Variants in NOS2 observed in about 807,000 individuals in gnomAD.
NOS2 encodes nitric oxide synthase 2, also known as nitric oxide synthase, inducible.
Under a neutral mutation model 136.0 loss-of-function variants are expected in NOS2, and 96 were observed. The observed-to-expected ratio is 0.71, with a 90% CI of 0.60 to 0.84. The LOEUF (loss-of-function observed/expected upper bound fraction) is 0.84, where lower values mean the gene tolerates loss of function less well. NOS2 is among the 40% of genes least tolerant of loss of function. The pLI is 0.00. For synonymous variants in NOS2, 539 were observed against 587.5 expected (o/e 0.92, Z 1.20); for missense variants, 1,237 against 1,496.9 (o/e 0.83, Z 2.87).
At chr17:27,774,188 G>GTA in intron 12 of NOS2, 69 bp downstream of exon 12, 1 of 1,084,966 alleles carries the variant, frequency 9.2e-7, no homozygotes, top group Admixed American at 3.5e-5. Flanking sequence ...ACAATGAGGT[G>GTA]CACACACACA....
chr17:27,766,663 A>G (rs1597546145), intron 18 of NOS2, 75 bp from the exon 19 acceptor site: 2 of 1,156,712 alleles, frequency 1.7e-6, no homozygotes, highest in East Asian at 4.7e-5. Context: ...CAGATGTCTG[A>G]GTCAGTGACA....
Position 27,788,909 on chromosome 17 carries a change from T to C in NOS2, c.218A>G (p.Lys73Arg). The C allele has an allele frequency of 1.9e-6, 3 of 1,614,132 alleles. No individual in the cohort carries two copies. The African/African-American group carries it at 4.0e-5, about 22-fold the overall frequency. Residue 73 changes from lysine (K) to arginine (R), a missense_variant, in exon 4 of 27, where the codon AAG becomes AGG. Physicochemically the swap from Lys to Arg is conservative, Grantham distance 26. Around this residue, in one of 3 missense-constraint regions of NOS2, gnomAD observed 440 missense variants for 545.4 expected, o/e 0.81. Transcript: ENST00000313735. ...GGAGGACAATGGGGTTGCATCCAGC[T>C]TGACCAGAGATTCTGGAGACTTCTG... ...TGKKSPESLV[K>R]LDATPLSSPR...
At chr17:27,775,678 G>A (rs910548572) in intron 11 of NOS2, among the ~76,000 whole-genome samples, 2 of 152,156 alleles carry the variant, frequency 1.3e-5, no homozygotes, top group Non-Finnish European at 2.9e-5. Context: ...ATATGTGGGA[G>A]GCTGATGTGG....
chr17:27,777,887 A>C (rs1308244151), intron 11 of NOS2, among the ~76,000 whole-genome samples: 10 of 152,124 alleles, frequency 6.6e-5, no homozygotes, highest in Admixed American at 5.9e-4. Flanking sequence ...TCTACTAAAA[A>C]TATAAAAATT....
intron 2 of NOS2, chr17:27,793,652 G>C (rs1909262877): frequency 2.5e-6 from 1 of 397,010 alleles, no homozygotes; most frequent in Non-Finnish European, 4.4e-6. Flanking sequence ...CTGCACAGCC[G>C]GGGCCCGGCG....
intron 2 of NOS2, among the ~76,000 whole-genome samples, chr17:27,792,532 AG>A (rs1279328323): frequency 6.6e-6 from 1 of 152,150 alleles, no homozygotes; most frequent in Non-Finnish European, 1.5e-5. Context: ...ACAGGGTGAC[AG>A]GGTGACCAGA....
At chr17:27,768,610 G>A (rs1224937202) in intron 17 of NOS2, among the ~76,000 whole-genome samples, 2 of 152,230 alleles carry the variant, frequency 1.3e-5, no homozygotes, top group Non-Finnish European at 2.9e-5. Context: ...AAGTGGATCC[G>A]CCATTGTGTG....
intron 9 of NOS2, among the ~76,000 whole-genome samples, chr17:27,779,361 T>C (rs1908770051): frequency 6.7e-6 from 1 of 149,862 alleles, no homozygotes; most frequent in African/African-American, 2.5e-5. Context: ...CCCAGGCTGG[T>C]CTCGAACTAC....
chr17:27,757,662 T>A (rs1221736164), intron 26 of NOS2, among the ~76,000 whole-genome samples: 1 of 152,232 alleles, frequency 6.6e-6, no homozygotes, highest in African/African-American at 2.4e-5. Context: ...GTCCTTTCTT[T>A]CCTTCCAGCC....
intron 13 of NOS2, 112 bp from the exon 14 acceptor site, chr17:27,772,564 G>T: frequency 1.6e-6 from 2 of 1,262,218 alleles, no homozygotes; most frequent in Non-Finnish European, 2.2e-6. Context: ...CAGGTTGAGG[G>T]AAAAGCAAGC....
Position 27,778,873 on chromosome 17 carries a change from C to T in NOS2, c.1179+9G>A, listed in dbSNP as rs202009297. The T allele has an allele frequency of 1.5e-5, 24 of 1,609,814 alleles. No individual in the cohort carries two copies. Among genetic ancestry groups the T allele is most frequent in the Middle Eastern group, 1.6e-4 (1 of 6,074 alleles). ...ACCTTCATCTGGCCAGCTGGGCTGG[C>T]TGGGTTACCTCCAGGATGTTGTAGC... is the stretch of plus-strand genomic sequence containing the variant. On this transcript the variant is annotated intron_variant, in intron 10 of 26. Coordinates refer to ENST00000313735, the MANE Select transcript of NOS2 (RefSeq NM_000625.4).
chr17:27,766,711 C>T (rs1478554247), intron 18 of NOS2, 123 bp from the exon 19 acceptor site: 10 of 744,948 alleles, frequency 1.3e-5, no homozygotes, highest in African/African-American at 3.5e-5. Flanking sequence ...CTGAGGTGGC[C>T]GTTGGGTTTT....
chr17:27,765,828 G>A, intron 19 of NOS2, 112 bp from the exon 20 acceptor site: 1 of 1,214,662 alleles, frequency 8.2e-7, no homozygotes, highest in South Asian at 1.6e-5. Flanking sequence ...TTCCTGGCTG[G>A]TTCCACAAGC....
chr17:27,760,813 G>A (rs1448771547), intron 23 of NOS2, 69 bp from the exon 24 acceptor site: 5 of 1,501,368 alleles, frequency 3.3e-6, no homozygotes, highest in Non-Finnish European at 4.5e-6. Context: ...CAGGATGGCT[G>A]GGGAGCTGGG....
chr17:27,782,371 A>C (rs542434755), intron 6 of NOS2, among the ~76,000 whole-genome samples: 4 of 152,140 alleles, frequency 2.6e-5, no homozygotes, highest in Non-Finnish European at 5.9e-5. Context: ...GACCCCAGCA[A>C]ACCCAGAATT....
In NOS2 at chr17:27,787,807, T is replaced by A; in HGVS notation, c.338A>T (p.Lys113Ile). 5 of 1,611,734 alleles carry A rather than the reference T, an allele frequency of 3.1e-6. No individual in the cohort carries two copies. Among genetic ancestry groups the A allele is most frequent in the Non-Finnish European group, 4.2e-6 (5 of 1,178,954 alleles). Residue 113 changes from lysine to isoleucine, a missense_variant, in exon 5 of 27, where the codon AAA becomes ATA. Lys to Ile is a moderately radical substitution (Grantham distance 102). Transcript: ENST00000313735. Reference sequence around the variant, plus strand: ...AGTCATAATGGACCCCAGGCAAGATTTGGACCTGCAAGTTAAAATCTGGAA... The same window carrying A: ...AGTCATAATGGACCCCAGGCAAGATATGGACCTGCAAGTTAAAATCTGGAA... ...KAKGILTCRS[K>I]SCLGSIMTPK...
intron 2 of NOS2, among the ~76,000 whole-genome samples, chr17:27,791,238 C>A (rs1201352406): frequency 6.6e-6 from 1 of 152,200 alleles, no homozygotes; most frequent in African/African-American, 2.4e-5. Context: ...TTCCATGTGA[C>A]CAACCATTGC....
At chr17:27,769,830 A>C (rs1309035651) in intron 15 of NOS2, among the ~76,000 whole-genome samples, 11 of 152,222 alleles carry the variant, frequency 7.2e-5, no homozygotes, top group Non-Finnish European at 1.3e-4. Flanking sequence ...GACCTGGAAC[A>C]GCTGGGCCCC....
At chr17:27,759,674 C>T (rs1908050346) in intron 25 of NOS2, among the ~76,000 whole-genome samples, 2 of 152,154 alleles carry the variant, frequency 1.3e-5, no homozygotes, top group African/African-American at 4.8e-5. Context: ...CCTCTGATGG[C>T]CGTGGTGGAA....
Sources: gnomAD v4.1 joint callset for allele counts (sites outside exome capture counted in the v4.1 genomes callset) on GRCh38, gnomAD v4.1.1 for gene constraint, gnomAD v4.1.1 regional missense constraint, MANE v1.5 for transcripts, NCBI Gene and HGNC (gene_info 2026-07-23, HGNC 2026-07-21) for gene names.